The following LCN2 variants were observed in gnomAD, a reference collection of about 807,000 sequenced individuals.
LCN2 encodes the protein lipocalin 2.
A neutral mutation model predicts 26.4 loss-of-function variants in LCN2; 27 were observed. The ratio of observed to expected loss-of-function variants is 1.02; its 90% confidence interval spans 0.76 to 1.41. The LOEUF (loss-of-function observed/expected upper bound fraction) is 1.41, where lower values mean the gene tolerates loss of function less well. LCN2 is among the 40% of genes most tolerant of loss of function. LCN2 has a pLI of 0.00. For missense variants in LCN2, 224 were observed against 237.6 expected (o/e 0.94, Z 0.38); for synonymous variants, 94 against 98.9 (o/e 0.95, Z 0.30).
intron 1 of LCN2, 102 bp downstream of exon 1, chr9:128,149,765 T>G: frequency 7.1e-7 from 1 of 1,410,690 alleles, no homozygotes; most frequent in Non-Finnish European, 9.7e-7. Flanking sequence ...GGCAGGACTC[T>G]AGGAGTCCAG....
Position 128,149,567 on chromosome 9 carries a change from G to C in LCN2, c.42G>C (p.Gly14=). Reference sequence around the variant, plus strand: ...TGTGGCTGGGCCTAGCCCTGTTGGGGGCTCTGCATGCCCAGGCCCAGGACT... The same window carrying C: ...TGTGGCTGGGCCTAGCCCTGTTGGGCGCTCTGCATGCCCAGGCCCAGGACT... The part of the protein sequence containing the change: ...GLLWLGLALL[G]ALHAQAQDST... The change falls in exon 1 of 7, where the codon GGG becomes GGC. Residue 14 remains glycine (G), a synonymous_variant. Transcript: ENST00000277480. 6.2e-7 allele frequency: 1 copy of C among 1,613,868 alleles called. No homozygotes were observed. Among genetic ancestry groups the C allele is most frequent in the Non-Finnish European group, 8.5e-7 (1 of 1,179,922 alleles).
chr9:128,151,527 C>T (rs921465224), intron 2 of LCN2, 111 bp from the exon 3 acceptor site: 6 of 840,772 alleles, frequency 7.1e-6, no homozygotes, highest in Non-Finnish European at 1.2e-5. Context: ...ACGGGTTGGG[C>T]CGGACTGAGA....
intron 2 of LCN2, among the ~76,000 whole-genome samples, chr9:128,150,977 A>G (rs575020319): frequency 6.6e-6 from 1 of 152,308 alleles, no homozygotes; most frequent in South Asian, 2.1e-4. Flanking sequence ...GCGAAAGTGA[A>G]GCGGGGCCGT....
chr9:128,151,245 G>A (rs998125879), intron 2 of LCN2, among the ~76,000 whole-genome samples: 4 of 152,034 alleles, frequency 2.6e-5, no homozygotes, highest in Non-Finnish European at 5.9e-5. Flanking sequence ...GTACCGAGGT[G>A]GATCCCCGGG....
In LCN2 at chr9:128,149,711, G is replaced by A. The variant is rs781385898; in HGVS notation, c.138+48G>A. 3.1e-6 allele frequency: 5 copies of A among 1,606,622 alleles called. No homozygotes were observed. In the South Asian group the frequency reaches 5.5e-5, roughly 18 times the overall value. On this transcript the variant is annotated intron_variant, in intron 1 of 6. Coordinates refer to ENST00000277480, the MANE Select transcript of LCN2 (RefSeq NM_005564.5). ...TGCAGGCAGGGCCTGGGGAAGAGTGGGAGCAGAGGGGAGGAGAGGTGAAGA... is the reference window on the plus strand; with the variant it reads ...TGCAGGCAGGGCCTGGGGAAGAGTGAGAGCAGAGGGGAGGAGAGGTGAAGA...
At chr9:128,152,306 G>A in intron 5 of LCN2, 22 bp downstream of exon 5, 3 of 1,598,886 alleles carry the variant, frequency 1.9e-6, no homozygotes, top group Non-Finnish European at 2.6e-6. Flanking sequence ...TCTGGATGAG[G>A]GGACGGGGAC....
At position 128,153,292 on chromosome 9, in the gene LCN2, C is replaced by T. The variant is rs895648190; in HGVS notation, c.*8-19C>T. 1.0e-5 allele frequency: 8 copies of T among 786,854 alleles called. No homozygotes were observed. Among genetic ancestry groups the T allele is most frequent in the African/African-American group, 1.7e-5 (1 of 59,010 alleles). The allele number at this position is 786,854 out of a possible 1,614,324, so 48.7% of individuals were successfully genotyped here. On this transcript the variant is annotated intron_variant, in intron 6 of 6. Coordinates refer to ENST00000277480, the MANE Select transcript of LCN2 (RefSeq NM_005564.5). The surrounding 1 kb of genome is among the most constrained non-coding windows in gnomAD (Gnocchi z 5.4). ...CTCCCATTTCCCCACCCATCACCCT[C>T]ATATCCACCTCTGTCCAGGGTGCCG...
chr9:128,153,254 C>A lies in LCN2; in HGVS notation c.*8-57C>A. 8.6e-7 allele frequency: 1 copy of A among 1,161,700 alleles called. No homozygotes were observed. The highest frequency in any genetic ancestry group is 1.3e-6 in the Non-Finnish European group (1 of 782,878). The allele number at this position is 1,161,700 out of a possible 1,614,324, so 72.0% of individuals were successfully genotyped here. A position where few individuals can be genotyped will look rare whatever the true frequency, so the allele number is the denominator to read the frequency against. ...TGCTGCTGTCTTTATTCTGCTGTCC[C>A]CATCTCGGGTGCCTCCCATTTCCCC... On this transcript the variant is annotated intron_variant, in intron 6 of 6. Coordinates refer to ENST00000277480, the MANE Select transcript of LCN2 (RefSeq NM_005564.5). The surrounding 1 kb of genome is among the most constrained non-coding windows in gnomAD (Gnocchi z 5.4).
chr9:128,153,037 C>T lies in LCN2; in HGVS notation c.578-63C>T. The T allele has an allele frequency of 6.2e-7, 1 of 1,612,546 alleles. No individual in the cohort carries two copies. ...GGACCTGGCAGTCAGGGATCACACA[C>T]ACACACTCATACACGCACACACACA... On this transcript the variant is annotated intron_variant, in intron 5 of 6. Transcript: ENST00000277480. The surrounding 1 kb of genome is among the most constrained non-coding windows in gnomAD (Gnocchi z 5.4).
At chr9:128,151,355 A>C in intron 2 of LCN2, 4 of 568,250 alleles carry the variant, frequency 7.0e-6, no homozygotes, top group Non-Finnish European at 1.3e-5. Flanking sequence ...CCAGGGAGGC[A>C]GCCAAAGGAA....
chr9:128,152,725 C>A (rs1482399765), intron 5 of LCN2, among the ~76,000 whole-genome samples: 1 of 152,162 alleles, frequency 6.6e-6, no homozygotes, highest in African/African-American at 2.4e-5. Context: ...GGGAGCTGTC[C>A]TTGACTCCAG....
intron 5 of LCN2, 121 bp from the exon 6 acceptor site, chr9:128,152,979 G>A: frequency 4.3e-6 from 6 of 1,409,964 alleles, no homozygotes; most frequent in Non-Finnish European, 6.0e-6. Flanking sequence ...AGCTGGGCCA[G>A]GTGGGGCAGG....
At chr9:128,150,169 C>T (rs1834991300) in intron 1 of LCN2, 69 bp from the exon 2 acceptor site, 1 of 1,561,858 alleles carries the variant, frequency 6.4e-7, no homozygotes, top group South Asian at 1.2e-5. Context: ...AGAGGTGCCA[C>T]AGGGACAGAG....
In LCN2 at chr9:128,151,886, C is replaced by T; in HGVS notation, c.356-20C>T. The T allele has an allele frequency of 1.4e-5, 23 of 1,613,852 alleles. No individual in the cohort carries two copies. The highest frequency in any genetic ancestry group is 1.7e-4 in the Middle Eastern group (1 of 6,004). On this transcript the variant is annotated intron_variant, in intron 3 of 6. Coordinates refer to ENST00000277480, the MANE Select transcript of LCN2 (RefSeq NM_005564.5). ...CTCCCATCCAGGGCAGGGCTGACCC[C>T]TCACCGTCCACGCCTGCAGGTTACC...
chr9:128,151,317 G>A lies in LCN2; in HGVS notation c.276-321G>A, dbSNP rs561427171. Reference sequence around the variant, plus strand: ...GGGGAGAAATGCAGGGTTTCTGTGTGTTGGGTGGCGGGGGGGGTGAAAGCC... The same window carrying A: ...GGGGAGAAATGCAGGGTTTCTGTGTATTGGGTGGCGGGGGGGGTGAAAGCC... On this transcript the variant is annotated intron_variant, in intron 2 of 6. Transcript: ENST00000277480. The A allele has an allele frequency of 3.9e-5, 22 of 567,652 alleles. No individual in the cohort carries two copies. The South Asian group carries it at 5.1e-4, about 13-fold the overall frequency. The allele number at this position is 567,652 out of a possible 1,614,324, so 35.2% of individuals were successfully genotyped here. A position where few individuals can be genotyped will look rare whatever the true frequency, so the allele number is the denominator to read the frequency against.
chr9:128,153,176 A>G lies in LCN2; in HGVS notation c.*7+50A>G, dbSNP rs576315705. On this transcript the variant is annotated intron_variant, in intron 6 of 6. Transcript: ENST00000277480. The surrounding 1 kb of genome is among the most constrained non-coding windows in gnomAD (Gnocchi z 5.4). The stretch of plus-strand genomic sequence containing the variant: ...GGGGGCTTGTGGGAGGCCAGGGTGC[A>G]GTGGGCTGGGGGTCTTGGGCCTGCC... 1 of 1,611,108 alleles carries G rather than the reference A, an allele frequency of 6.2e-7. No homozygotes were observed. Among genetic ancestry groups the G allele is most frequent in the African/African-American group, 1.3e-5 (1 of 74,870 alleles).
intron 2 of LCN2, among the ~76,000 whole-genome samples, chr9:128,150,765 C>A (rs185560875): frequency 2.6e-5 from 4 of 152,204 alleles, no homozygotes; most frequent in East Asian, 1.9e-4. Context: ...GAGAGCCCCC[C>A]CTTCAGGAAG....
At position 128,153,119 on chromosome 9, in the gene LCN2, A is replaced by AG. The variant is rs1362057721; in HGVS notation, c.*1dup. ...TAACAGACCAGTGTATCGACGGCTGAGTGCACAGTGAGTGTGGCTGGGCGG... is the reference window on the plus strand; with the variant it reads ...TAACAGACCAGTGTATCGACGGCTGAGGTGCACAGTGAGTGTGGCTGGGCGG... On this transcript the variant is annotated 3_prime_UTR_variant, in exon 6 of 7. Transcript: ENST00000277480. The surrounding 1 kb of genome is among the most constrained non-coding windows in gnomAD (Gnocchi z 5.4). 1 of 1,613,940 alleles carries AG rather than the reference A, an allele frequency of 6.2e-7. No individual in the cohort carries two copies. The highest frequency in any genetic ancestry group is 1.3e-5 in the African/African-American group (1 of 74,892).
At chr9:128,151,873 G>A (rs1835010646) in intron 3 of LCN2, 33 bp from the exon 4 acceptor site, 11 of 1,613,470 alleles carry the variant, frequency 6.8e-6, no homozygotes, top group Non-Finnish European at 9.3e-6. Context: ...CCCATCCAGG[G>A]CAGGGCTGAC....
Sources: allele counts gnomAD v4.1 joint callset (sites outside exome capture counted in the v4.1 genomes callset), GRCh38; gene constraint gnomAD v4.1.1; non-coding constraint Gnocchi (gnomAD v3.1); transcripts MANE v1.5; gene names NCBI Gene and HGNC (gene_info 2026-07-23, HGNC 2026-07-21).